The following SLC26A4 variants were observed in gnomAD, a reference collection of about 807,000 sequenced individuals.
The protein encoded by SLC26A4 is pendrin.
Under a neutral mutation model 90.4 loss-of-function variants are expected in SLC26A4, and 93 were observed. The ratio of observed to expected loss-of-function variants is 1.03; its 90% CI spans 0.87 to 1.22. The LOEUF (loss-of-function observed/expected upper bound fraction) is 1.22, where lower values mean the gene tolerates loss of function less well. Among genes scored for constraint, SLC26A4 ranks in the 50% most tolerant of loss-of-function variants. The probability of loss-of-function intolerance (pLI) is 0.00; values close to 1 mark genes in which losing one functional copy is unlikely to be tolerated. For missense variants in SLC26A4, 1,127 were observed against 946.2 expected, an observed-to-expected ratio of 1.19 and a Z score of -2.51; for synonymous variants, 393 against 354.6, an observed-to-expected ratio of 1.11 and a Z score of -1.22.
chr7:107,684,164 T>C (rs1040472252), intron 8 of SLC26A4, among the ~76,000 whole-genome samples: 18 of 152,168 alleles, frequency 1.2e-4, no homozygotes, highest in Non-Finnish European at 1.0e-4. Context: ...GAAACACCAG[T>C]GAGATCTCTC....
Position 107,696,055 on chromosome 7 carries a change from C to T in SLC26A4, c.1544+16C>T, listed in dbSNP as rs535376823. On this transcript the variant is annotated intron_variant, in intron 13 of 20. Transcript: ENST00000644269. ...GAGTTCAGTTGTGAGTAACGTAAAA[C>T]CCAGATTTCCTATAAACAGAACAAC... The T allele has an allele frequency of 5.2e-6, 7 of 1,356,404 alleles. No homozygotes were observed. In the South Asian group the frequency reaches 5.8e-5, roughly 11 times the overall value. The allele number at this position is 1,356,404 out of a possible 1,614,324, so 84.0% of individuals were successfully genotyped here.
chr7:107,668,474 T>A (rs1239943382), intron 3 of SLC26A4, among the ~76,000 whole-genome samples: 2 of 152,272 alleles, frequency 1.3e-5, no homozygotes, highest in African/African-American at 2.4e-5. Flanking sequence ...TGGTTTCCAG[T>A]GATGACAATG....
Position 107,674,288 on chromosome 7 carries a change from T to C in SLC26A4, c.540T>C (p.Ala180=). 1 of 1,613,728 alleles carries C rather than the reference T, an allele frequency of 6.2e-7. No individual in the cohort carries two copies. Among genetic ancestry groups the C allele is most frequent in the Middle Eastern group, 1.6e-4 (1 of 6,062 alleles). The part of the protein sequence containing the change: ...VLNTTMIDTA[A]RDTARVLIAS... ...ATACTACTATGATAGACACTGCAGC[T>C]AGAGATACAGCTAGAGTCCTGATTG... The change falls in exon 5 of 21, where the codon GCT becomes GCC. Residue 180 remains alanine (A), a synonymous_variant. Coordinates refer to ENST00000644269, the MANE Select transcript of SLC26A4 (RefSeq NM_000441.2).
At position 107,692,151 on chromosome 7, in the gene SLC26A4, C is replaced by T. The variant is rs181007742; in HGVS notation, c.1263+1914C>T. On this transcript the variant is annotated intron_variant, in intron 10 of 20. Transcript: ENST00000644269. ...TAATGGTGCTCTGGTAAGCTAATACCCCCTGCCACATACTGGCATGTATTA... is the reference window on the plus strand; with the variant it reads ...TAATGGTGCTCTGGTAAGCTAATACTCCCTGCCACATACTGGCATGTATTA... The T allele has an allele frequency of 2.6e-4, 296 of 1,149,838 alleles. 3 individuals are homozygous for T. In the African/African-American group the frequency reaches 4.3e-3, roughly 17 times the overall value. 71.2% of individuals were successfully genotyped at this position (1,149,838 alleles called of 1,614,324 possible). A position where few individuals can be genotyped will look rare whatever the true frequency, so the allele number is the denominator to read the frequency against.
chr7:107,693,519 T>C, intron 10 of SLC26A4: 1 of 985,490 alleles, frequency 1.0e-6, no homozygotes, highest in South Asian at 4.7e-5. Flanking sequence ...GCTTTGCTTG[T>C]AGTTCCCTGT....
chr7:107,667,048 G>C (rs186598270), intron 3 of SLC26A4, among the ~76,000 whole-genome samples: 1 of 152,290 alleles, frequency 6.6e-6, no homozygotes, highest in Admixed American at 6.5e-5. Flanking sequence ...TGAGCAACCG[G>C]ATAGATCATT....
At chr7:107,711,581 T>C (rs1792188638) in intron 19 of SLC26A4, among the ~76,000 whole-genome samples, 1 of 152,194 alleles carries the variant, frequency 6.6e-6, no homozygotes, top group African/African-American at 2.4e-5. Context: ...GGTTGGACAT[T>C]CCTGGTGGCC....
rs1790546094 is a variant in SLC26A4, at chr7:107,661,439, GC to G, written c.-3-194del. The G allele has an allele frequency of 9.6e-6, 6 of 626,244 alleles. No homozygotes were observed. The highest frequency in any genetic ancestry group is 1.4e-5 in the Non-Finnish European group (5 of 354,612). The allele number at this position is 626,244 out of a possible 1,614,324, so 38.8% of individuals were successfully genotyped here. On this transcript the variant is annotated intron_variant, in intron 1 of 20. Coordinates refer to ENST00000644269, the MANE Select transcript of SLC26A4 (RefSeq NM_000441.2). The surrounding 1 kb of genome is among the most constrained non-coding windows in gnomAD (Gnocchi z 5.1). ...CCACGAGACCCGAAGGTTCTCAGGT[GC>G]CCCCCTGCAGGCTGGCCGTGCGCGC...
At chr7:107,677,495 C>T (rs139133949) in intron 6 of SLC26A4, among the ~76,000 whole-genome samples, 1 of 152,262 alleles carries the variant, frequency 6.6e-6, no homozygotes, top group Non-Finnish European at 1.5e-5. Context: ...CCGTTCATTT[C>T]CTCGGGACCC....
chr7:107,661,524 A>G lies in SLC26A4; in HGVS notation c.-3-115A>G. ...AGGACGCGGACCAGACTCGCGGTGC[A>G]GGGGGGCCTGGCTGCAGCTAACAGG... On this transcript the variant is annotated intron_variant, in intron 1 of 20. Coordinates refer to ENST00000644269, the MANE Select transcript of SLC26A4 (RefSeq NM_000441.2). The surrounding 1 kb of genome is among the most constrained non-coding windows in gnomAD (Gnocchi z 5.1). 3 of 1,177,806 alleles carry G rather than the reference A, an allele frequency of 2.5e-6. No individual in the cohort carries two copies. Among genetic ancestry groups the G allele is most frequent in the South Asian group, 1.3e-5 (1 of 74,614 alleles). The allele number at this position is 1,177,806 out of a possible 1,614,324, so 73.0% of individuals were successfully genotyped here. A position where few individuals can be genotyped will look rare whatever the true frequency, so the allele number is the denominator to read the frequency against.
In SLC26A4 at chr7:107,661,758, C is replaced by A. The variant is rs1790561361; in HGVS notation, c.117C>A (p.Arg39=). 3.2e-6 allele frequency: 5 copies of A among 1,544,626 alleles called. No homozygotes were observed. The highest frequency in any genetic ancestry group is 2.4e-5 in the South Asian group (2 of 84,298). ...CTTTCCAGCAACAGCACGAGCGGCG[C>A]CTGCAGGAGCGCAAGACGCTGCGGG... is the stretch of plus-strand genomic sequence containing the variant. ...ELAFQQQHER[R]LQERKTLRES... Residue 39 remains arginine (R), a synonymous_variant, in exon 2 of 21, where the codon CGC becomes CGA. Coordinates refer to ENST00000644269, the MANE Select transcript of SLC26A4 (RefSeq NM_000441.2). This position sits in a 1 kb window ranked among gnomAD's most constrained non-coding sequence, Gnocchi z 5.1.
chr7:107,704,836 T>A (rs990079690), intron 18 of SLC26A4, among the ~76,000 whole-genome samples: 1 of 152,250 alleles, frequency 6.6e-6, no homozygotes, highest in African/African-American at 2.4e-5. Context: ...TACCTCTCTC[T>A]CCTGATTTCT....
chr7:107,693,838 A>G (rs745923218), intron 10 of SLC26A4: 1 of 369,820 alleles, frequency 2.7e-6, no homozygotes, highest in Non-Finnish European at 3.9e-6. Flanking sequence ...CCCACCTCTC[A>G]ATGTGCAAAT....
At chr7:107,682,175 G>T (rs1367245164) in intron 6 of SLC26A4, among the ~76,000 whole-genome samples, 3 of 137,380 alleles carry the variant, frequency 2.2e-5, no homozygotes, top group African/African-American at 5.4e-5. Flanking sequence ...ATAAAATTAA[G>T]TACCAAATTT....
chr7:107,674,494 G>T, intron 5 of SLC26A4, 146 bp downstream of exon 5: 1 of 722,222 alleles, frequency 1.4e-6, no homozygotes, highest in Admixed American at 2.3e-5. Context: ...GTTGTTTTAG[G>T]TCAGGTGCTA....
At position 107,674,979 on chromosome 7, in the gene SLC26A4, T is replaced by A. The variant is rs770457747; in HGVS notation, c.635T>A (p.Val212Glu). 7 of 1,614,000 alleles carry A rather than the reference T, an allele frequency of 4.3e-6. No homozygotes were observed. The highest frequency in any genetic ancestry group is 5.1e-6 in the Non-Finnish European group (6 of 1,179,996). ...IFGGLQIGFIVRYLADPLVGG... is the reference protein window; with the variant it reads ...IFGGLQIGFIERYLADPLVGG... ...GGTGGCTTGCAGATTGGATTCATAG[T>A]GAGGTACTTGGCAGATCCTTTGGTT... Residue 212 changes from valine (V) to glutamate (E), a missense_variant, in exon 6 of 21, where the codon GTG (valine) becomes GAG (glutamate). Val to Glu is a moderately radical substitution (Grantham distance 121). Transcript: ENST00000644269.
intron 10 of SLC26A4, chr7:107,692,109 G>C (rs1270197478): frequency 1.6e-6 from 2 of 1,286,932 alleles, no homozygotes; most frequent in East Asian, 1.1e-4. Context: ...GACCTCCTTG[G>C]CACAGGGTTT....
chr7:107,708,701 T>A (rs1792098707), intron 18 of SLC26A4, among the ~76,000 whole-genome samples: 1 of 149,210 alleles, frequency 6.7e-6, no homozygotes, highest in African/African-American at 2.5e-5. Context: ...TATTTTTTTT[T>A]TAAAAAACAA....
chr7:107,704,124 T>C (rs1382231666), intron 17 of SLC26A4, among the ~76,000 whole-genome samples: 5 of 152,244 alleles, frequency 3.3e-5, no homozygotes, highest in Admixed American at 6.5e-5. Flanking sequence ...TATTGAGCGC[T>C]GGATGTTGCC....
Sources: gnomAD v4.1 joint callset for allele counts (sites outside exome capture counted in the v4.1 genomes callset) on GRCh38, gnomAD v4.1.1 for gene constraint, Gnocchi (gnomAD v3.1) non-coding constraint, MANE v1.5 for transcripts, NCBI Gene and HGNC (gene_info 2026-07-23, HGNC 2026-07-21) for gene names.